Variants in TMOD1 observed in about 807,000 individuals in gnomAD.
TMOD1 encodes tropomodulin-1.
A neutral mutation model predicts 40.6 loss-of-function variants in TMOD1; 17 were observed. That is an observed-to-expected ratio of 0.42 (90% CI 0.29 to 0.63). TMOD1 has a LOEUF of 0.63. Among genes scored for constraint, TMOD1 ranks in the 20% least tolerant of loss-of-function variants. The pLI is 0.22. For missense variants in TMOD1, 391 were observed against 447.6 expected, an observed-to-expected ratio of 0.87 and a Z score of 1.14; for synonymous variants, 181 against 175.0, an observed-to-expected ratio of 1.03 and a Z score of -0.27.
chr9:97,553,465 C>T (rs942675611), intron 4 of TMOD1, 65 bp downstream of exon 4: 4 of 1,599,994 alleles, frequency 2.5e-6, no homozygotes, highest in African/African-American at 1.3e-5. Context: ...TGCAGGGAGC[C>T]TTGTAGGGCT....
At chr9:97,589,192 T>C (rs1352333714) in intron 8 of TMOD1, among the ~76,000 whole-genome samples, 1 of 150,450 alleles carries the variant, frequency 6.6e-6, no homozygotes, top group South Asian at 2.1e-4. Flanking sequence ...CTCAGGTTCA[T>C]TTTCAGATTG....
chr9:97,501,474 G>A (rs530867191), upstream of TMOD1, among the ~76,000 whole-genome samples: 23 of 151,886 alleles, frequency 1.5e-4, no homozygotes, highest in Admixed American at 1.1e-3. Flanking sequence ...GCTGCAGCCC[G>A]ACTCCCCTGC....
chr9:97,502,573 C>T lies in TMOD1; in HGVS notation c.-49+770C>T, dbSNP rs953841946. ...AGCCCAAGCCCTGAGAGCTGCAGGG[C>T]GCGCTCTTGGCCGCCTGCGCTCCCC... On this transcript the variant is annotated intron_variant, in intron 1 of 9. Transcript: ENST00000259365. This position sits in a 1 kb window ranked among gnomAD's most constrained non-coding sequence, Gnocchi z 6.1. Among the ~76,000 whole-genome samples, 1 of 152,142 alleles carries T rather than the reference C, an allele frequency of 6.6e-6. No individual in the cohort carries two copies. Among genetic ancestry groups the T allele is most frequent in the African/African-American group, 2.4e-5 (1 of 41,452 alleles).
chr9:97,512,571 A>G (rs1829721152), intron 1 of TMOD1: 2 of 151,958 alleles, frequency 1.3e-5, no homozygotes, highest in Admixed American at 6.6e-5. Context: ...CTACACATCA[A>G]TGAGAAAGAA....
chr9:97,539,790 C>G (rs1830246640), intron 2 of TMOD1, among the ~76,000 whole-genome samples: 1 of 151,722 alleles, frequency 6.6e-6, no homozygotes, highest in Non-Finnish European at 1.5e-5. Flanking sequence ...CATGGTGAAA[C>G]CCCGTCTTTA....
At chr9:97,536,656 T>C (rs1045747146) in intron 2 of TMOD1, among the ~76,000 whole-genome samples, 1 of 152,032 alleles carries the variant, frequency 6.6e-6, no homozygotes, top group Non-Finnish European at 1.5e-5. Context: ...AAATTTTCTG[T>C]GGGATGGAAG....
intron 1 of TMOD1, among the ~76,000 whole-genome samples, chr9:97,514,303 T>TGA (rs1829765089): frequency 1.4e-5 from 2 of 144,366 alleles, no homozygotes; most frequent in African/African-American, 5.2e-5. Flanking sequence ...TTTTTAGTAA[T>TGA]GACAGGGTTT....
intron 4 of TMOD1, chr9:97,555,336 T>A (rs1830519666): frequency 8.4e-7 from 1 of 1,189,650 alleles, no homozygotes; most frequent in Non-Finnish European, 1.0e-6. Context: ...GGGCTGTTTT[T>A]ACCCTGGACT....
At chr9:97,536,771 G>A (rs1467285017) in intron 2 of TMOD1, among the ~76,000 whole-genome samples, 1 of 152,182 alleles carries the variant, frequency 6.6e-6, no homozygotes, top group African/African-American at 2.4e-5. Flanking sequence ...TTTACCACCT[G>A]TCCTGTCCTC....
intron 9 of TMOD1, among the ~76,000 whole-genome samples, chr9:97,593,979 G>C (rs2131294568): frequency 6.6e-6 from 1 of 152,294 alleles, no homozygotes; most frequent in Non-Finnish European, 1.5e-5. Flanking sequence ...AGGCAGGACA[G>C]TTGAAAGTAT....
intron 2 of TMOD1, among the ~76,000 whole-genome samples, chr9:97,542,993 G>A (rs895183244): frequency 6.6e-6 from 1 of 152,230 alleles, no homozygotes; most frequent in African/African-American, 2.4e-5. Context: ...AGTGGGTAGA[G>A]TGGCCTCCAC....
intron 8 of TMOD1, among the ~76,000 whole-genome samples, chr9:97,579,712 T>C (rs1447428609): frequency 6.6e-6 from 1 of 152,216 alleles, no homozygotes; most frequent in Non-Finnish European, 1.5e-5. Flanking sequence ...AGCTACTGTA[T>C]TGGACAATAC....
chr9:97,565,041 G>C (rs182495999), intron 6 of TMOD1, among the ~76,000 whole-genome samples: 13 of 152,360 alleles, frequency 8.5e-5, no homozygotes, highest in Admixed American at 8.5e-4. Flanking sequence ...GTGACGCTCT[G>C]AGAGATTGGT....
intron 3 of TMOD1, 98 bp from the exon 4 acceptor site, chr9:97,553,183 A>C (rs891091295): frequency 1.2e-5 from 18 of 1,554,668 alleles, no homozygotes; most frequent in Non-Finnish European, 1.6e-5. Context: ...GCATGGAGGG[A>C]CCCACAGGGC....
At chr9:97,577,476 A>AT (rs1048699300) in intron 8 of TMOD1, among the ~76,000 whole-genome samples, 37 of 151,920 alleles carry the variant, frequency 2.4e-4, no homozygotes, top group African/African-American at 6.0e-4. Flanking sequence ...CTGTGCTTCA[A>AT]TTTTTTTTGC....
In TMOD1 at chr9:97,512,602, T is replaced by C. The variant is rs909624256; in HGVS notation, c.-49+10799T>C. The C allele has an allele frequency of 2.0e-5, 3 of 150,054 alleles. No individual in the cohort carries two copies. The East Asian group carries it at 5.8e-4, about 29-fold the overall frequency. The allele number at this position is 150,054 out of a possible 1,614,324, so 9.3% of individuals were successfully genotyped here. The stretch of plus-strand genomic sequence containing the variant: ...AAGAACAAACTGTTACTACACACAG[T>C]AGCACAGGTGAATCTCACAGATACA... On this transcript the variant is annotated intron_variant, in intron 1 of 9. Transcript: ENST00000259365.
chr9:97,575,029 G>A (rs2480721), intron 8 of TMOD1, among the ~76,000 whole-genome samples: 72,985 of 152,080 alleles, frequency 0.48, 17,733 homozygotes, highest in Middle Eastern at 0.57. Flanking sequence ...CAGGCTGCCG[G>A]ATAACGCAGT....
At chr9:97,566,671 AAAATAAAT>A (rs1178561744) in intron 7 of TMOD1, among the ~76,000 whole-genome samples, 1 of 152,074 alleles carries the variant, frequency 6.6e-6, no homozygotes. Context: ...GCTCCATCAC[AAAATAAAT>A]AAATAAATAA....
intron 4 of TMOD1, among the ~76,000 whole-genome samples, chr9:97,554,073 G>C (rs1261258362): frequency 6.6e-6 from 1 of 151,944 alleles, no homozygotes; most frequent in African/African-American, 2.4e-5. Context: ...GGCCACATCC[G>C]GCACCTTGTG....
Sources: gnomAD v4.1 joint callset for allele counts (sites outside exome capture counted in the v4.1 genomes callset) on GRCh38, gnomAD v4.1.1 for gene constraint, Gnocchi (gnomAD v3.1) non-coding constraint, MANE v1.5 for transcripts, NCBI Gene and HGNC (gene_info 2026-07-23, HGNC 2026-07-21) for gene names.